The following PTPRT variants were observed in gnomAD, a reference collection of about 807,000 sequenced individuals.
The protein encoded by PTPRT is protein tyrosine phosphatase receptor type T.
PTPRT carries 56 observed loss-of-function variants against 176.8 expected under a neutral mutation model. That is an observed-to-expected ratio of 0.32 (90% CI 0.26 to 0.40). The LOEUF (loss-of-function observed/expected upper bound fraction) is 0.40. Ranked by LOEUF, PTPRT falls within the 10% of genes least tolerant of loss-of-function variation. The pLI, the probability that PTPRT is intolerant of heterozygous loss-of-function variation, is 1.00. For synonymous variants in PTPRT, 783 were observed against 739.0 expected (o/e 1.06, Z -0.96); for missense variants, 1,540 against 1,908.2 (o/e 0.81, Z 3.60).
chr20:43,148,841 G>A (rs2014254072), intron 1 of PTPRT, among the ~76,000 whole-genome samples: 1 of 152,194 alleles, frequency 6.6e-6, no homozygotes, highest in Non-Finnish European at 1.5e-5. Context: ...CCGCAGAAGT[G>A]AAGAAATAAG....
intron 9 of PTPRT, among the ~76,000 whole-genome samples, chr20:42,363,563 G>A (rs1325564270): frequency 6.6e-6 from 1 of 151,590 alleles, no homozygotes; most frequent in Non-Finnish European, 1.5e-5. Flanking sequence ...GCCCGCCTCG[G>A]CCTCCCAAAG....
At chr20:42,476,047 G>A (rs1490682656) in intron 7 of PTPRT, among the ~76,000 whole-genome samples, 4 of 152,186 alleles carry the variant, frequency 2.6e-5, no homozygotes, top group African/African-American at 9.7e-5. Flanking sequence ...TCATTGCTGA[G>A]CCTCCATCTC....
chr20:43,181,319 G>C (rs1017789269), intron 1 of PTPRT, among the ~76,000 whole-genome samples: 6 of 152,126 alleles, frequency 3.9e-5, no homozygotes, highest in Admixed American at 1.3e-4. Context: ...CACTGCATTG[G>C]GGGAGTGACT....
At chr20:43,133,640 C>T (rs1168909635) in intron 1 of PTPRT, among the ~76,000 whole-genome samples, 1 of 151,386 alleles carries the variant, frequency 6.6e-6, no homozygotes, top group East Asian at 1.9e-4. Flanking sequence ...CCCAGCTACC[C>T]GGGAGGCTGA....
At chr20:43,022,102 C>T (rs915601139) in intron 1 of PTPRT, among the ~76,000 whole-genome samples, 5 of 152,208 alleles carry the variant, frequency 3.3e-5, no homozygotes, top group Admixed American at 3.3e-4. Context: ...GCAAAGAAGG[C>T]TGGGAAATGC....
intron 1 of PTPRT, among the ~76,000 whole-genome samples, chr20:43,059,106 C>T (rs576182644): frequency 2.6e-5 from 4 of 152,318 alleles, no homozygotes; most frequent in South Asian, 2.1e-4. Context: ...GCAGGTCTGA[C>T]GATCTCAGAA....
chr20:42,095,323 A>G (rs1406263734), intron 27 of PTPRT, among the ~76,000 whole-genome samples: 4 of 152,158 alleles, frequency 2.6e-5, no homozygotes, highest in Admixed American at 6.5e-5. Context: ...TGAAAGCCCA[A>G]GTTCTTCTAT....
intron 2 of PTPRT, among the ~76,000 whole-genome samples, chr20:42,810,398 G>A (rs552166739): frequency 2.6e-5 from 4 of 152,196 alleles, no homozygotes; most frequent in East Asian, 3.9e-4. Flanking sequence ...TCAAAGCCCC[G>A]GCCCACTTAT....
chr20:43,135,952 T>C (rs1199230049), intron 1 of PTPRT, among the ~76,000 whole-genome samples: 1 of 152,152 alleles, frequency 6.6e-6, no homozygotes, highest in Non-Finnish European at 1.5e-5. Context: ...GCCAGGCAAA[T>C]GTTTAAACTA....
chr20:42,092,578 C>T (rs1025610787), intron 27 of PTPRT, among the ~76,000 whole-genome samples: 6 of 152,170 alleles, frequency 3.9e-5, no homozygotes, highest in African/African-American at 7.2e-5. Flanking sequence ...TTTACTGTTA[C>T]CCCTACCATT....
At chr20:42,582,384 G>T (rs1381394433) in intron 7 of PTPRT, among the ~76,000 whole-genome samples, 4 of 152,172 alleles carry the variant, frequency 2.6e-5, no homozygotes, top group Admixed American at 6.5e-5. Flanking sequence ...GGAACACACT[G>T]TCCAGAATTC....
chr20:42,039,970 A>T, the PTPRT span, among the ~76,000 whole-genome samples: 1 of 151,990 alleles, frequency 6.6e-6, no homozygotes, highest in Admixed American at 6.6e-5. Flanking sequence ...GGATTGCTGG[A>T]TCATACGGTA....
chr20:42,774,382 TCTGAAAGGGGACA>T (rs1479244569), intron 4 of PTPRT, among the ~76,000 whole-genome samples: 2 of 152,060 alleles, frequency 1.3e-5, no homozygotes, highest in African/African-American at 4.8e-5. Flanking sequence ...GGAGAGAGAC[TCTGAAAGGGGACA>T]CTGAAAGGGG....
chr20:42,282,625 G>T, intron 12 of PTPRT, 100 bp from the exon 13 acceptor site: 1 of 861,922 alleles, frequency 1.2e-6, no homozygotes, highest in Non-Finnish European at 1.8e-6. Context: ...ATATATTCAT[G>T]CATATGTATT....
chr20:42,368,116 C>T (rs562530108), intron 9 of PTPRT, among the ~76,000 whole-genome samples: 1 of 152,288 alleles, frequency 6.6e-6, no homozygotes, highest in Admixed American at 6.5e-5. Context: ...GTTTCTAGAC[C>T]TTTCCTTCTG....
intron 1 of PTPRT, among the ~76,000 whole-genome samples, chr20:43,004,666 A>G (rs1984762087): frequency 6.6e-6 from 1 of 152,230 alleles, no homozygotes; most frequent in Non-Finnish European, 1.5e-5. Context: ...GATCTTCCTC[A>G]CAGCATTATG....
intron 1 of PTPRT, among the ~76,000 whole-genome samples, chr20:43,132,219 C>G (rs2013666411): frequency 6.6e-6 from 1 of 152,104 alleles, no homozygotes; most frequent in Non-Finnish European, 1.5e-5. Flanking sequence ...GTAAAACTAT[C>G]TTTACATGTA....
chr20:42,926,310 T>C (rs1325429938), intron 1 of PTPRT, among the ~76,000 whole-genome samples: 2 of 152,226 alleles, frequency 1.3e-5, no homozygotes. Flanking sequence ...AGAGCCCTGA[T>C]ACTGCCCTCT....
intron 10 of PTPRT, 69 bp downstream of exon 10, chr20:42,352,015 C>T (rs2058291372): frequency 6.7e-7 from 1 of 1,492,424 alleles, no homozygotes; most frequent in Non-Finnish European, 9.3e-7. Flanking sequence ...GAAAAATTTC[C>T]ACTTCAAGGA....
Sources: gnomAD v4.1 joint callset for allele counts (sites outside exome capture counted in the v4.1 genomes callset) on GRCh38, gnomAD v4.1.1 for gene constraint, MANE v1.5 for transcripts, NCBI Gene and HGNC (gene_info 2026-07-23, HGNC 2026-07-21) for gene names.